Variants in IGFBP3 observed in about 807,000 individuals in gnomAD.
IGFBP3 encodes insulin-like growth factor-binding protein 3.
A neutral mutation model predicts 28.6 loss-of-function variants in IGFBP3; 9 were observed. That is an observed-to-expected ratio of 0.31 (90% CI 0.19 to 0.55). The LOEUF is 0.55. Among genes scored for constraint, IGFBP3 ranks in the 20% least tolerant of loss-of-function variants. The pLI, the probability that IGFBP3 is intolerant of heterozygous loss-of-function variation, is 0.93. For missense variants in IGFBP3, 382 were observed against 428.9 expected (o/e 0.89, Z 0.97); for synonymous variants, 185 against 188.2 (o/e 0.98, Z 0.14).
intron 3 of IGFBP3, 152 bp from the exon 4 acceptor site, chr7:45,915,097 T>G: frequency 1.2e-6 from 1 of 800,928 alleles, no homozygotes; most frequent in Non-Finnish European, 2.0e-6. Flanking sequence ...GAGCCATGCG[T>G]GCCTAGGCCC....
intron 3 of IGFBP3, 135 bp from the exon 4 acceptor site, chr7:45,915,080 AAC>A (rs34091405): frequency 0.18 from 188,258 of 1,052,314 alleles, 19,716 homozygotes; most frequent in Middle Eastern, 0.3. Context: ...CAGCTAAGGC[AAC>A]ACAAGAGCCA....
intron 1 of IGFBP3, among the ~76,000 whole-genome samples, chr7:45,919,679 C>T (rs1194775964): frequency 6.6e-6 from 1 of 152,240 alleles, no homozygotes; most frequent in Non-Finnish European, 1.5e-5. Flanking sequence ...TCCCAGCCTT[C>T]AGCTGTGCAA....
At position 45,917,317 on chromosome 7, in the gene IGFBP3, T is replaced by C; in HGVS notation, c.526A>G (p.Lys176Glu). ...TGGCTGTCTTTAGCATGCCCTTTCT[T>C]GATGATGATTATCTTTGAATGGAGG... ...HPLHSKIIII[K>E]KGHAKDSQRY... is the part of the protein sequence containing the mutation. Residue 176 changes from lysine to glutamate, a missense_variant, in exon 2 of 5, where the codon AAG becomes GAG. Transcript: ENST00000613132. 6.2e-7 allele frequency: 1 copy of C among 1,614,086 alleles called. No homozygotes were observed. The highest frequency in any genetic ancestry group is 8.5e-7 in the Non-Finnish European group (1 of 1,179,998).
intron 1 of IGFBP3, among the ~76,000 whole-genome samples, chr7:45,918,856 G>A (rs1784647053): frequency 6.6e-6 from 1 of 152,170 alleles, no homozygotes; most frequent in Non-Finnish European, 1.5e-5. Context: ...TCCCCAAGGG[G>A]TTTCATACCT....
At chr7:45,915,649 GC>G (rs1475765985) in intron 3 of IGFBP3, among the ~76,000 whole-genome samples, 8 of 100,354 alleles carry the variant, frequency 8.0e-5, no homozygotes, top group Admixed American at 3.3e-4. Flanking sequence ...GGGATTTTAG[GC>G]ATATGACTAC....
rs1211355669 is a variant in IGFBP3, at chr7:45,921,269, A to C, written c.-129T>G. On this transcript the variant is annotated 5_prime_UTR_variant, in exon 1 of 5. An upstream start codon of the reference 5' UTR is lost. Coordinates refer to ENST00000613132, the MANE Select transcript of IGFBP3 (RefSeq NM_000598.5). ...CTCAGCGCCCAGCCGCAGTGCTCGCATCTGGGCGGCCCGGGCGCGCCGGCC... is the reference window on the plus strand; with the variant it reads ...CTCAGCGCCCAGCCGCAGTGCTCGCCTCTGGGCGGCCCGGGCGCGCCGGCC... 8.7e-7 allele frequency: 1 copy of C among 1,156,008 alleles called. No homozygotes were observed. The allele number at this position is 1,156,008 out of a possible 1,614,324, so 71.6% of individuals were successfully genotyped here. A position where few individuals can be genotyped will look rare whatever the true frequency, so the allele number is the denominator to read the frequency against.
intron 1 of IGFBP3, among the ~76,000 whole-genome samples, chr7:45,917,899 G>C (rs532360435): frequency 6.6e-6 from 1 of 152,300 alleles, no homozygotes; most frequent in South Asian, 2.1e-4. Flanking sequence ...CTCCACTCCG[G>C]AAACGCTGGA....
rs34239916 is a variant in IGFBP3, at chr7:45,921,132, C to T, written c.9G>A (p.Arg3=). The change falls in exon 1 of 5, where the codon CGG becomes CGA. Residue 3 remains arginine (R), a synonymous_variant. Transcript: ENST00000613132. ...CAGCGGCCCAGAGCGTGGGTCGCGC[C>T]CGCTGCATGACGCCTGCAACCGGGG... MQ[R]ARPTLWAAAL... is the part of the protein sequence containing the mutation. 6,663 of 1,500,450 alleles carry T rather than the reference C, an allele frequency of 4.4e-3. 44 individuals carry two copies. Among genetic ancestry groups the T allele is most frequent in the Non-Finnish European group, 4.5e-3 (5,111 of 1,130,436 alleles). 92.9% of individuals were successfully genotyped at this position (1,500,450 alleles called of 1,614,324 possible).
intron 4 of IGFBP3, chr7:45,914,604 T>G (rs1583669289): frequency 4.1e-6 from 2 of 484,350 alleles, no homozygotes; most frequent in Non-Finnish European, 7.4e-6. Context: ...TCCCCACACT[T>G]GTTTGGTTGG....
intron 3 of IGFBP3, among the ~76,000 whole-genome samples, chr7:45,915,775 C>T (rs1431348891): frequency 6.6e-6 from 1 of 152,198 alleles, no homozygotes; most frequent in African/African-American, 2.4e-5. Flanking sequence ...GACTCTCATG[C>T]CTTCTTCTCA....
chr7:45,919,308 C>G (rs978888803), intron 1 of IGFBP3, among the ~76,000 whole-genome samples: 1 of 152,186 alleles, frequency 6.6e-6, no homozygotes, highest in Non-Finnish European at 1.5e-5. Flanking sequence ...CCAAGAATGA[C>G]GATGTGTATC....
intron 1 of IGFBP3, among the ~76,000 whole-genome samples, chr7:45,918,222 C>A (rs1784640007): frequency 1.3e-5 from 2 of 150,404 alleles, no homozygotes; most frequent in Non-Finnish European, 3.0e-5. Context: ...TGGATGCAGA[C>A]AATGCCAAAG....
intron 1 of IGFBP3, among the ~76,000 whole-genome samples, chr7:45,918,242 C>T (rs1375907573): frequency 6.6e-6 from 1 of 150,894 alleles, no homozygotes; most frequent in Non-Finnish European, 1.5e-5. Context: ...GTCCCACTCA[C>T]GGCTCAGACT....
intron 3 of IGFBP3, among the ~76,000 whole-genome samples, chr7:45,915,815 T>A (rs1047135632): frequency 2.6e-5 from 4 of 152,170 alleles, no homozygotes; most frequent in African/African-American, 9.6e-5. Flanking sequence ...TGCCAGTGAG[T>A]CGGAGGAAGA....
intron 1 of IGFBP3, among the ~76,000 whole-genome samples, chr7:45,919,390 C>A (rs1451708937): frequency 6.6e-6 from 1 of 152,214 alleles, no homozygotes; most frequent in Non-Finnish European, 1.5e-5. Context: ...AATGACATAA[C>A]TTTGCCCCGA....
At chr7:45,920,565 G>A in intron 1 of IGFBP3, 173 bp downstream of exon 1, 1 of 523,160 alleles carries the variant, frequency 1.9e-6, no homozygotes, top group Non-Finnish European at 3.0e-6. Context: ...CGGCTGGGGA[G>A]GGTCCCTCCG....
intron 1 of IGFBP3, among the ~76,000 whole-genome samples, chr7:45,917,825 C>A (rs1486278958): frequency 6.6e-6 from 1 of 152,192 alleles, no homozygotes; most frequent in Non-Finnish European, 1.5e-5. Flanking sequence ...GCAGTCAACT[C>A]CAAGTGTGGT....
intron 1 of IGFBP3, 75 bp from the exon 2 acceptor site, chr7:45,917,514 G>A: frequency 8.1e-7 from 1 of 1,229,972 alleles, no homozygotes. Flanking sequence ...TCTTAACGTT[G>A]CAACCAGGTC....
chr7:45,920,265 G>T (rs1471841257), intron 1 of IGFBP3: 1 of 159,640 alleles, frequency 6.3e-6, no homozygotes, highest in Non-Finnish European at 1.4e-5. Flanking sequence ...AAACCAAAAG[G>T]CTGTGCAAAG....
Sources: allele counts gnomAD v4.1 joint callset (sites outside exome capture counted in the v4.1 genomes callset), GRCh38; gene constraint gnomAD v4.1.1; transcripts MANE v1.5; gene names NCBI Gene and HGNC (gene_info 2026-07-23, HGNC 2026-07-21).